CAMK2D: variants seen among roughly 807,000 people sequenced by gnomAD.
The protein encoded by CAMK2D is calcium/calmodulin dependent protein kinase II delta.
A neutral mutation model predicts 84.0 loss-of-function variants in CAMK2D; 37 were observed. The ratio of observed to expected loss-of-function variants is 0.44; its 90% CI spans 0.34 to 0.58. CAMK2D has a LOEUF of 0.58. CAMK2D is among the 20% of genes least tolerant of loss of function. The pLI, the probability that CAMK2D is intolerant of heterozygous loss-of-function variation, is 0.02. For synonymous variants in CAMK2D, 202 were observed against 212.5 expected, an observed-to-expected ratio of 0.95 and a Z score of 0.43; for missense variants, 448 against 652.5, an observed-to-expected ratio of 0.69 and a Z score of 3.41.
At chr4:113,492,725 T>C (rs977113663) in intron 16 of CAMK2D, among the ~76,000 whole-genome samples, 3 of 147,254 alleles carry the variant, frequency 2.0e-5, no homozygotes, top group Non-Finnish European at 4.5e-5. Context: ...TTGATCTGTC[T>C]AATGTTGAGA....
chr4:113,488,500 T>C (rs2097788265), intron 16 of CAMK2D, among the ~76,000 whole-genome samples: 1 of 152,140 alleles, frequency 6.6e-6, no homozygotes, highest in African/African-American at 2.4e-5. Context: ...TAGGTATAAG[T>C]GGGTAAATGT....
chr4:113,666,022 G>A (rs1404446029), intron 2 of CAMK2D, among the ~76,000 whole-genome samples: 1 of 152,194 alleles, frequency 6.6e-6, no homozygotes, highest in African/African-American at 2.4e-5. Context: ...TATTTCAAAT[G>A]AGGTGGAAAA....
intron 16 of CAMK2D, among the ~76,000 whole-genome samples, chr4:113,489,342 A>T (rs2097797764): frequency 7.5e-6 from 1 of 133,762 alleles, no homozygotes; most frequent in Non-Finnish European, 1.5e-5. Flanking sequence ...TCCTGTGTCT[A>T]TGTGATCTCA....
chr4:113,673,797 A>C (rs1186947344), intron 2 of CAMK2D, among the ~76,000 whole-genome samples: 1 of 152,234 alleles, frequency 6.6e-6, no homozygotes, highest in Non-Finnish European at 1.5e-5. Flanking sequence ...TGAGGTAAGA[A>C]ATTTTAAATG....
intron 3 of CAMK2D, among the ~76,000 whole-genome samples, chr4:113,627,716 G>A (rs1417315143): frequency 6.6e-6 from 1 of 152,102 alleles, no homozygotes; most frequent in Non-Finnish European, 1.5e-5. Flanking sequence ...ACCAAAACAT[G>A]GCATTACATA....
intron 3 of CAMK2D, among the ~76,000 whole-genome samples, chr4:113,656,056 G>C (rs2099198719): frequency 6.6e-6 from 1 of 152,034 alleles, no homozygotes; most frequent in African/African-American, 2.4e-5. Context: ...ATATAGCTCA[G>C]AATTTCTGGC....
At position 113,648,700 on chromosome 4, in the gene CAMK2D, C is replaced by T. The variant is rs556700150; in HGVS notation, c.220+13013G>A. 2.6e-5 allele frequency among the ~76,000 whole-genome samples: 4 copies of T among 152,240 alleles called. No homozygotes were observed. The East Asian group carries it at 7.7e-4, about 29-fold the overall frequency. ...GCTTTTTCAGCAGATACTTTGAGCA[C>T]CCAACTTGACTGCTCTTGACTCAGC... is the stretch of plus-strand genomic sequence containing the variant. On this transcript the variant is annotated intron_variant, in intron 3 of 20. Transcript: ENST00000511664.
intron 4 of CAMK2D, among the ~76,000 whole-genome samples, chr4:113,565,482 C>T (rs2098718585): frequency 6.6e-6 from 1 of 152,010 alleles, no homozygotes; most frequent in Non-Finnish European, 1.5e-5. Flanking sequence ...GAAACCCCGT[C>T]TCTACCAAAA....
chr4:113,455,522 C>T (rs1326193426), intron 20 of CAMK2D, among the ~76,000 whole-genome samples: 1 of 152,076 alleles, frequency 6.6e-6, no homozygotes, highest in Non-Finnish European at 1.5e-5. Flanking sequence ...TGTTTATTAC[C>T]TTTAAAATAA....
chr4:113,746,403 C>G (rs1359428893), intron 2 of CAMK2D, among the ~76,000 whole-genome samples: 3 of 149,466 alleles, frequency 2.0e-5, no homozygotes, highest in African/African-American at 7.7e-5. Flanking sequence ...TTTAGCCACC[C>G]CTGTTCATGC....
intron 8 of CAMK2D, 70 bp downstream of exon 8, chr4:113,531,146 T>G (rs983857444): frequency 1.3e-6 from 1 of 796,722 alleles, no homozygotes; most frequent in Non-Finnish European, 2.3e-6. Flanking sequence ...TATGACAGAT[T>G]GTTATAGCAG....
At chr4:113,597,215 A>G (rs2098931263) in intron 4 of CAMK2D, among the ~76,000 whole-genome samples, 1 of 152,240 alleles carries the variant, frequency 6.6e-6, no homozygotes, top group African/African-American at 2.4e-5. Context: ...TGTTCTTGAA[A>G]GCTGTCCTTT....
At chr4:113,650,500 A>G (rs2099168494) in intron 3 of CAMK2D, among the ~76,000 whole-genome samples, 1 of 149,492 alleles carries the variant, frequency 6.7e-6, no homozygotes. Context: ...CTGGATGACA[A>G]GAGTGAAACT....
chr4:113,516,629 GA>G (rs1194582726), intron 9 of CAMK2D, among the ~76,000 whole-genome samples: 4 of 92,426 alleles, frequency 4.3e-5, no homozygotes, highest in Non-Finnish European at 8.2e-5. Flanking sequence ...CATCTAAATA[GA>G]AAATTTTTAT....
chr4:113,451,399 C>T lies in CAMK2D; in HGVS notation c.*3146G>A, dbSNP rs1473126593. 6.6e-6 allele frequency: 1 copy of T among 152,184 alleles called. No individual in the cohort carries two copies. Among genetic ancestry groups the T allele is most frequent in the African/African-American group, 2.4e-5 (1 of 41,452 alleles). The allele number at this position is 152,184 out of a possible 1,614,324, so 9.4% of individuals were successfully genotyped here. A position where few individuals can be genotyped will look rare whatever the true frequency, so the allele number is the denominator to read the frequency against. ...AATGTCAGTGATCAGAATAGTTATA[C>T]TGCTACCATTTAATTTCTATCAAAT... On this transcript the variant is annotated 3_prime_UTR_variant, in exon 21 of 21. Coordinates refer to ENST00000511664, the MANE Select transcript of CAMK2D (RefSeq NM_001321571.2).
intron 2 of CAMK2D, among the ~76,000 whole-genome samples, chr4:113,689,476 A>C (rs1023108783): frequency 6.6e-6 from 1 of 152,052 alleles, no homozygotes; most frequent in African/African-American, 2.4e-5. Context: ...TTCCTATTAA[A>C]CTAGCTACTC....
At chr4:113,605,338 C>G (rs1474665646) in intron 4 of CAMK2D, among the ~76,000 whole-genome samples, 1 of 152,218 alleles carries the variant, frequency 6.6e-6, no homozygotes, top group Non-Finnish European at 1.5e-5. Flanking sequence ...AGTTTCACTT[C>G]TTTTCTGTGA....
intron 2 of CAMK2D, among the ~76,000 whole-genome samples, chr4:113,674,563 A>C (rs181473611): frequency 6.6e-6 from 1 of 152,256 alleles, no homozygotes; most frequent in East Asian, 1.9e-4. Context: ...TAAATTCTGA[A>C]AGAGGAAGAT....
chr4:113,537,283 A>T (rs1424601857), intron 7 of CAMK2D, 58 bp downstream of exon 7: 1 of 839,526 alleles, frequency 1.2e-6, no homozygotes, highest in African/African-American at 1.7e-5. Flanking sequence ...TGGGATTAGG[A>T]GCCAGAATTC....
Sources: gnomAD v4.1 joint callset for allele counts (sites outside exome capture counted in the v4.1 genomes callset) on GRCh38, gnomAD v4.1.1 for gene constraint, MANE v1.5 for transcripts, NCBI Gene and HGNC (gene_info 2026-07-23, HGNC 2026-07-21) for gene names.